COMMD3: variants seen among roughly 807,000 people sequenced by gnomAD.
COMMD3 encodes the protein COMM domain containing 3.
Under a neutral mutation model 31.2 loss-of-function variants are expected in COMMD3, and 31 were observed. The observed-to-expected ratio is 0.99, with a 90% CI of 0.75 to 1.34. COMMD3 has a LOEUF of 1.34. COMMD3 is among the 40% of genes most tolerant of loss of function. The pLI is 0.00. For missense variants in COMMD3, 274 were observed against 236.9 expected, an observed-to-expected ratio of 1.16 and a Z score of -1.03; for synonymous variants, 108 against 87.3, an observed-to-expected ratio of 1.24 and a Z score of -1.32.
intron 1 of COMMD3, chr10:22,317,649 A>G (rs1172940015): frequency 5.9e-6 from 2 of 338,540 alleles, no homozygotes; most frequent in East Asian, 4.9e-5. Flanking sequence ...TAGTAAAAAT[A>G]TTAAGGCAAA....
At chr10:22,316,605 C>T (rs1293002280) in intron 1 of COMMD3, 49 bp downstream of exon 1, 39 of 1,434,006 alleles carry the variant, frequency 2.7e-5, no homozygotes, top group Non-Finnish European at 3.5e-5. Flanking sequence ...GGTGGAGGGG[C>T]GCTCGGAGAA....
In COMMD3 at chr10:22,320,021, C is replaced by T; in HGVS notation, c.*23C>T. ...TAACTTGGGGAAGTTAACGATCCGC[C>T]CGAGTGCAGAGGAAAACCAGAAACG... On this transcript the variant is annotated 3_prime_UTR_variant, in exon 8 of 8. Transcript: ENST00000376836. The T allele has an allele frequency of 1.2e-6, 2 of 1,614,034 alleles. No homozygotes were observed. The highest frequency in any genetic ancestry group is 2.2e-5 in the South Asian group (2 of 91,078).
rs1564346242 is a variant in COMMD3, at chr10:22,318,674, T to C, written c.372T>C (p.His124=). 1.2e-6 allele frequency: 2 copies of C among 1,613,326 alleles called. No homozygotes were observed. The highest frequency in any genetic ancestry group is 2.2e-5 in the South Asian group (2 of 91,074). Reference sequence around the variant, plus strand: ...TCAGTATAGGCAGATCTCTCCCTCATATAACGGATGTTTCTTGGCGCTTGG... The same window carrying C: ...TCAGTATAGGCAGATCTCTCCCTCACATAACGGATGTTTCTTGGCGCTTGG... ...LLGSIGRSLP[H]ITDVSWRLEY... The change falls in exon 5 of 8, where the codon CAT becomes CAC. Residue 124 remains histidine, a synonymous_variant. Transcript: ENST00000376836.
chr10:22,316,616 G>C (rs1835855290), intron 1 of COMMD3, 60 bp downstream of exon 1: 1 of 1,421,682 alleles, frequency 7.0e-7, no homozygotes. Context: ...GCTCGGAGAA[G>C]AGGAGCCGGC....
Position 22,319,897 on chromosome 10 carries a change from T to C in COMMD3, c.529-42T>C, listed in dbSNP as rs74584445. ...TCTTGAGCTTGGATACTTCTTTCCA[T>C]GTTTTATCCTAAAAACGTGGTATTG... is the stretch of plus-strand genomic sequence containing the variant. On this transcript the variant is annotated intron_variant, in intron 7 of 7. Coordinates refer to ENST00000376836, the MANE Select transcript of COMMD3 (RefSeq NM_012071.4). 7.2e-3 allele frequency: 11,517 copies of C among 1,608,938 alleles called. 773 individuals are homozygous for C. In the African/African-American group the frequency reaches 0.14, roughly 19 times the overall value.
Position 22,318,948 on chromosome 10 carries a change from T to C in COMMD3, c.469-11T>C, listed in dbSNP as rs1030038937. 1.2e-6 allele frequency: 2 copies of C among 1,611,872 alleles called. No individual in the cohort carries two copies. The highest frequency in any genetic ancestry group is 1.3e-5 in the African/African-American group (1 of 74,684). On this transcript the variant is annotated splice_polypyrimidine_tract_variant and intron_variant, in intron 6 of 7. Coordinates refer to ENST00000376836, the MANE Select transcript of COMMD3 (RefSeq NM_012071.4). ...AGCGTTTCTTGTTGCGTGTTTTTTT[T>C]CCTGCCCTAGAACACTGATTCCCCA...
chr10:22,317,047 C>T (rs928663764), intron 1 of COMMD3: 1 of 152,482 alleles, frequency 6.6e-6, no homozygotes, highest in African/African-American at 2.4e-5. Flanking sequence ...GCTATGATCA[C>T]TCCAGCGCTC....
intron 6 of COMMD3, 21 bp from the exon 7 acceptor site, chr10:22,318,938 G>A (rs775584652): frequency 1.9e-5 from 31 of 1,611,076 alleles, no homozygotes; most frequent in African/African-American, 6.7e-5. Context: ...TTCTTGTTGC[G>A]TGTTTTTTTT....
In COMMD3 at chr10:22,318,834, C is replaced by A; in HGVS notation, c.440C>A (p.Pro147His). Reference sequence around the variant, plus strand: ...AATCAACTTCATAGGATGTACAGACCTGCATATTTGGTGACCTTAAGTGTA... The same window carrying A: ...AATCAACTTCATAGGATGTACAGACATGCATATTTGGTGACCTTAAGTGTA... The part of the protein sequence containing the change: ...KTNQLHRMYR[P>H]AYLVTLSVQN... The change falls in exon 6 of 8, where the codon CCT becomes CAT. Residue 147 changes from proline (P) to histidine (H), a missense_variant. By Grantham distance (77) the Pro-to-His change is moderately conservative. Transcript: ENST00000376836. 1.2e-6 allele frequency: 2 copies of A among 1,613,896 alleles called. No homozygotes were observed. The highest frequency in any genetic ancestry group is 1.1e-5 in the South Asian group (1 of 91,076).
Position 22,318,322 on chromosome 10 carries a change from G to C in COMMD3, c.350+16G>C. ...TACTGGGAAGGTAGGTACTGTATAAGGTGTCAAGCTGAGGCACTTTTCACT... is the reference window on the plus strand; with the variant it reads ...TACTGGGAAGGTAGGTACTGTATAACGTGTCAAGCTGAGGCACTTTTCACT... On this transcript the variant is annotated intron_variant, in intron 4 of 7. Coordinates refer to ENST00000376836, the MANE Select transcript of COMMD3 (RefSeq NM_012071.4). 1 of 1,590,184 alleles carries C rather than the reference G, an allele frequency of 6.3e-7. No individual in the cohort carries two copies. The highest frequency in any genetic ancestry group is 8.5e-7 in the Non-Finnish European group (1 of 1,173,602).
At position 22,319,922 on chromosome 10, in the gene COMMD3, G is replaced by A; in HGVS notation, c.529-17G>A. ...TGTTTTATCCTAAAAACGTGGTATTGTATACACGTCTTTTAGGACTTGGTG... is the reference window on the plus strand; with the variant it reads ...TGTTTTATCCTAAAAACGTGGTATTATATACACGTCTTTTAGGACTTGGTG... On this transcript the variant is annotated splice_polypyrimidine_tract_variant and intron_variant, in intron 7 of 7. Coordinates refer to ENST00000376836, the MANE Select transcript of COMMD3 (RefSeq NM_012071.4). The A allele has an allele frequency of 6.2e-7, 1 of 1,613,828 alleles. No individual in the cohort carries two copies. Among genetic ancestry groups the A allele is most frequent in the Non-Finnish European group, 8.5e-7 (1 of 1,179,878 alleles).
At chr10:22,316,831 G>T (rs1835859303) in intron 1 of COMMD3, 1 of 317,806 alleles carries the variant, frequency 3.1e-6, no homozygotes. Context: ...TAAAGCCGGT[G>T]TTCAAGTCTT....
chr10:22,320,221 T>G lies in COMMD3; in HGVS notation c.*223T>G. 8.1e-7 allele frequency: 1 copy of G among 1,231,070 alleles called. No individual in the cohort carries two copies. Among genetic ancestry groups the G allele is most frequent in the Non-Finnish European group, 1.1e-6 (1 of 916,518 alleles). 76.3% of individuals were successfully genotyped at this position (1,231,070 alleles called of 1,614,324 possible). ...GAATCGTTTAGTAGTAACTGTCCAT[T>G]TATCCTATTTTGATCTTTTTCAAGT... On this transcript the variant is annotated 3_prime_UTR_variant, in exon 8 of 8. Coordinates refer to ENST00000376836, the MANE Select transcript of COMMD3 (RefSeq NM_012071.4).
At chr10:22,316,683 C>G in intron 1 of COMMD3, 127 bp downstream of exon 1, 1 of 1,350,942 alleles carries the variant, frequency 7.4e-7, no homozygotes, top group African/African-American at 1.5e-5. Context: ...GCCCTTCGCT[C>G]CGGACGGAGT....
chr10:22,319,349 T>A (rs1835915632), intron 7 of COMMD3: 1 of 217,340 alleles, frequency 4.6e-6, no homozygotes, highest in South Asian at 1.3e-4. Flanking sequence ...TTTGAAAATG[T>A]CTTTGCTTTC....
chr10:22,318,945 T>A lies in COMMD3; in HGVS notation c.469-14T>A. 1 of 1,611,818 alleles carries A rather than the reference T, an allele frequency of 6.2e-7. No homozygotes were observed. The highest frequency in any genetic ancestry group is 2.2e-5 in the East Asian group (1 of 44,822). On this transcript the variant is annotated splice_polypyrimidine_tract_variant and intron_variant, in intron 6 of 7. Coordinates refer to ENST00000376836, the MANE Select transcript of COMMD3 (RefSeq NM_012071.4). The stretch of plus-strand genomic sequence containing the variant: ...AACAGCGTTTCTTGTTGCGTGTTTT[T>A]TTTCCTGCCCTAGAACACTGATTCC...
chr10:22,318,753 A>C, intron 5 of COMMD3, 40 bp downstream of exon 5: 4 of 1,612,802 alleles, frequency 2.5e-6, no homozygotes, highest in Non-Finnish European at 3.4e-6. Context: ...GATTTAGGGA[A>C]CTTCTTAAAA....
At position 22,318,100 on chromosome 10, in the gene COMMD3, T is replaced by C. The variant is rs1835887877; in HGVS notation, c.252-5T>C. ...GAACTTTGGCTTTTTTTTTCTTTCT[T>C]CTAGCACTTATCTAGAAGACTGTAA... On this transcript the variant is annotated splice_polypyrimidine_tract_variant and splice_region_variant and intron_variant, in intron 2 of 7. Transcript: ENST00000376836. The C allele has an allele frequency of 3.1e-6, 5 of 1,611,896 alleles. No individual in the cohort carries two copies. The highest frequency in any genetic ancestry group is 4.2e-6 in the Non-Finnish European group (5 of 1,179,452).
Position 22,320,168 on chromosome 10 carries a change from A to T in COMMD3, c.*170A>T. 1 of 1,504,756 alleles carries T rather than the reference A, an allele frequency of 6.6e-7. No individual in the cohort carries two copies. The allele number at this position is 1,504,756 out of a possible 1,614,324, so 93.2% of individuals were successfully genotyped here. On this transcript the variant is annotated 3_prime_UTR_variant, in exon 8 of 8. Coordinates refer to ENST00000376836, the MANE Select transcript of COMMD3 (RefSeq NM_012071.4). ...CACTTTAAAAACGTGTGAAAGGGTT[A>T]AGAGGGAAAGATACTGCCCAAGTAT...
Sources: gnomAD v4.1 joint callset for allele counts on GRCh38, gnomAD v4.1.1 for gene constraint, MANE v1.5 for transcripts, NCBI Gene and HGNC (gene_info 2026-07-23, HGNC 2026-07-21) for gene names.